PHF24: variants seen among roughly 807,000 people sequenced by gnomAD.
PHF24 encodes PHD finger protein 24, also known as Galpha inhibitory interacting protein.
A neutral mutation model predicts 42.6 loss-of-function variants in PHF24; 25 were observed. That is an observed-to-expected ratio of 0.59 (90% CI 0.43 to 0.82). The LOEUF is 0.82. PHF24 is among the 40% of genes least tolerant of loss of function. The pLI is 0.00. For synonymous variants in PHF24, 185 were observed against 204.8 expected (o/e 0.90, Z 0.83); for missense variants, 470 against 538.1 (o/e 0.87, Z 1.25).
chr9:34,927,678 C>A, the PHF24 span, among the ~76,000 whole-genome samples: 1 of 152,136 alleles, frequency 6.6e-6, no homozygotes, highest in Non-Finnish European at 1.5e-5. Context: ...GTGGGGGAGA[C>A]AGGGCTATAG....
chr9:34,940,089 T>G, the PHF24 span, among the ~76,000 whole-genome samples: 1 of 151,618 alleles, frequency 6.6e-6, no homozygotes, highest in Non-Finnish European at 1.5e-5. Flanking sequence ...CAGAGGGAGG[T>G]GGGGGGAAAG....
At chr9:34,706,884 G>T in the PHF24 span, among the ~76,000 whole-genome samples, 1 of 152,020 alleles carries the variant, frequency 6.6e-6, no homozygotes, top group African/African-American at 2.4e-5. Flanking sequence ...CCAGCAACTT[G>T]GAGCCTGAGG....
chr9:34,922,369 G>A, the PHF24 span: 2 of 1,493,008 alleles, frequency 1.3e-6, no homozygotes, highest in Admixed American at 3.3e-5. Flanking sequence ...GCTTTCTCTG[G>A]GGAATTCAGA....
rs1001086421 is a variant in PHF24, at chr9:34,958,864, C to T, written c.-5+463C>T. ...TGTGCCCTAGAACTGTGGGAAGCAA[C>T]CTCTGACTGGGGAGGGGGATCCTCC... On this transcript the variant is annotated intron_variant, in intron 1 of 7. Transcript: ENST00000242315. This position sits in a 1 kb window ranked among gnomAD's most constrained non-coding sequence, Gnocchi z 4.5. 1.3e-5 allele frequency among the ~76,000 whole-genome samples: 2 copies of T among 152,180 alleles called. No homozygotes were observed. The highest frequency in any genetic ancestry group is 6.5e-5 in the Admixed American group (1 of 15,286).
At chr9:34,825,602 A>T in the PHF24 span, among the ~76,000 whole-genome samples, 1 of 151,916 alleles carries the variant, frequency 6.6e-6, no homozygotes, top group Non-Finnish European at 1.5e-5. Flanking sequence ...TGTCTGATGC[A>T]GGGTGTTCAT....
At chr9:34,690,699 G>A in the PHF24 span, among the ~76,000 whole-genome samples, 1 of 152,054 alleles carries the variant, frequency 6.6e-6, no homozygotes, top group African/African-American at 2.4e-5. Context: ...AGGGGCGTGG[G>A]GTAGGGTAGG....
At chr9:34,971,163 C>A in intron 1 of PHF24, 132 bp from the exon 2 acceptor site, 1 of 796,112 alleles carries the variant, frequency 1.3e-6, no homozygotes, top group Non-Finnish European at 1.9e-6. Context: ...TTAACATGTG[C>A]TGTCTCCACC....
chr9:34,898,913 C>T, the PHF24 span, among the ~76,000 whole-genome samples: 11 of 152,334 alleles, frequency 7.2e-5, no homozygotes, highest in South Asian at 8.3e-4. Flanking sequence ...TCCAGCAATT[C>T]GCCTGGCCCT....
chr9:34,825,417 A>C, the PHF24 span, among the ~76,000 whole-genome samples: 3 of 152,162 alleles, frequency 2.0e-5, no homozygotes, highest in African/African-American at 7.2e-5. Context: ...CAAAGTTTAA[A>C]GGAGAGATGA....
chr9:34,811,645 G>A, the PHF24 span, among the ~76,000 whole-genome samples: 15 of 151,910 alleles, frequency 9.9e-5, no homozygotes, highest in African/African-American at 2.7e-4. Context: ...AAAATGACAA[G>A]GCTAAATAGC....
At chr9:34,917,553 A>G in the PHF24 span, 9 of 776,008 alleles carry the variant, frequency 1.2e-5, no homozygotes, top group Non-Finnish European at 2.2e-5. Flanking sequence ...GTGATGAGCA[A>G]CCAGCACCCC....
At chr9:34,674,028 T>C in the PHF24 span, among the ~76,000 whole-genome samples, 2 of 152,204 alleles carry the variant, frequency 1.3e-5, no homozygotes, top group East Asian at 1.9e-4. Context: ...AGTGCTGGGA[T>C]TACAGGCGTG....
the PHF24 span, among the ~76,000 whole-genome samples, chr9:34,909,624 CTT>C: frequency 1.4e-4 from 20 of 144,164 alleles, no homozygotes; most frequent in South Asian, 2.2e-4. Flanking sequence ...AGAAGAAATC[CTT>C]TTTTTTTTTT....
At chr9:34,818,897 G>C in the PHF24 span, among the ~76,000 whole-genome samples, 1 of 152,164 alleles carries the variant, frequency 6.6e-6, no homozygotes, top group African/African-American at 2.4e-5. Context: ...TCTTCCTTCA[G>C]TGTTTAATAG....
chr9:34,752,282 A>T, the PHF24 span, among the ~76,000 whole-genome samples: 3 of 152,158 alleles, frequency 2.0e-5, no homozygotes, highest in Non-Finnish European at 4.4e-5. Flanking sequence ...AGATAAACAA[A>T]ATTGACAAAC....
chr9:34,891,098 A>G, the PHF24 span, among the ~76,000 whole-genome samples: 1 of 152,188 alleles, frequency 6.6e-6, no homozygotes, highest in Non-Finnish European at 1.5e-5. Context: ...ACTTGTCTCA[A>G]GTTTCTCAGT....
chr9:34,830,638 G>T, the PHF24 span, among the ~76,000 whole-genome samples: 1 of 152,198 alleles, frequency 6.6e-6, no homozygotes, highest in Non-Finnish European at 1.5e-5. Context: ...CACTCACCCA[G>T]TGATGGTGCT....
the PHF24 span, chr9:34,892,799 A>C: frequency 1.3e-5 from 8 of 621,710 alleles, no homozygotes; most frequent in African/African-American, 1.5e-4. Flanking sequence ...TCCTCGCTGA[A>C]AGTGATCAGC....
chr9:34,951,976 C>T, the PHF24 span, among the ~76,000 whole-genome samples: 1 of 152,148 alleles, frequency 6.6e-6, no homozygotes, highest in Non-Finnish European at 1.5e-5. Context: ...ATGCTTTCCC[C>T]CTAAGATCGG....
Sources: gnomAD v4.1 joint callset for allele counts (sites outside exome capture counted in the v4.1 genomes callset) on GRCh38, gnomAD v4.1.1 for gene constraint, Gnocchi (gnomAD v3.1) non-coding constraint, MANE v1.5 for transcripts, NCBI Gene and HGNC (gene_info 2026-07-23, HGNC 2026-07-21) for gene names.